TOX: variants seen among roughly 807,000 people sequenced by gnomAD.
TOX encodes the protein thymocyte selection-associated high mobility group box protein TOX.
A neutral mutation model predicts 53.7 loss-of-function variants in TOX; 11 were observed. The ratio of observed to expected loss-of-function variants is 0.20; its 90% CI spans 0.13 to 0.34. TOX has a LOEUF of 0.34. Among genes scored for constraint, TOX ranks in the 10% least tolerant of loss-of-function variants. The pLI, the probability that TOX is intolerant of heterozygous loss-of-function variation, is 1.00. For synonymous variants in TOX, 225 were observed against 245.3 expected (o/e 0.92, Z 0.77); for missense variants, 570 against 664.6 (o/e 0.86, Z 1.56).
rs1246789203 is a variant in TOX, at chr8:58,811,161, T to C, written c.1393-2892A>G. Among the ~76,000 whole-genome samples, 9 of 152,302 alleles carry C rather than the reference T, an allele frequency of 5.9e-5. No individual in the cohort carries two copies. In the East Asian group the frequency reaches 1.7e-3, roughly 29 times the overall value. On this transcript the variant is annotated intron_variant, in intron 7 of 8. Transcript: ENST00000361421. ...TATAAAAAGAGATGCTGAGGTCAAA[T>C]GTAGCACTCAGTAAATATTGATTAT... is the stretch of plus-strand genomic sequence containing the variant.
chr8:59,101,771 G>A (rs1471255521), intron 1 of TOX, among the ~76,000 whole-genome samples: 2 of 152,112 alleles, frequency 1.3e-5, no homozygotes, highest in Non-Finnish European at 2.9e-5. Context: ...GAGGAAAAGG[G>A]GGAAAAATCC....
chr8:58,957,288 T>C (rs992227561), intron 2 of TOX, among the ~76,000 whole-genome samples: 3 of 152,188 alleles, frequency 2.0e-5, no homozygotes, highest in African/African-American at 7.2e-5. Flanking sequence ...TTATAGCTAG[T>C]ATAGGAGAAA....
intron 5 of TOX, among the ~76,000 whole-genome samples, chr8:58,829,393 T>C (rs1810416202): frequency 6.6e-6 from 1 of 152,164 alleles, no homozygotes; most frequent in East Asian, 1.9e-4. Context: ...TGGCTATTGA[T>C]GATTGGCTAT....
chr8:58,998,516 T>A (rs1191298420), intron 1 of TOX, among the ~76,000 whole-genome samples: 75 of 121,302 alleles, frequency 6.2e-4, no homozygotes, highest in African/African-American at 9.2e-4. Context: ...TATATATATA[T>A]ATATATATAT....
chr8:58,877,034 C>T (rs1483364533), intron 3 of TOX, among the ~76,000 whole-genome samples: 2 of 152,206 alleles, frequency 1.3e-5, no homozygotes, highest in Non-Finnish European at 2.9e-5. Context: ...AAAAGCATCA[C>T]AAAGGCTGCT....
intron 1 of TOX, among the ~76,000 whole-genome samples, chr8:59,102,421 T>C (rs1804822511): frequency 6.6e-6 from 1 of 152,092 alleles, no homozygotes; most frequent in South Asian, 2.1e-4. Context: ...AGAGATGAAG[T>C]TTCACCATGT....
At chr8:58,879,510 T>G (rs1249127666) in intron 3 of TOX, among the ~76,000 whole-genome samples, 1 of 137,730 alleles carries the variant, frequency 7.3e-6, no homozygotes, top group Non-Finnish European at 1.5e-5. Context: ...TTGGAGATTG[T>G]GAAGTAAAAA....
rs1045677578 is a variant in TOX, at chr8:58,813,256, C to A, written c.1392+2082G>T. Among the ~76,000 whole-genome samples, 21 of 152,266 alleles carry A rather than the reference C, an allele frequency of 1.4e-4. No individual in the cohort carries two copies. The East Asian group carries it at 3.5e-3, about 25-fold the overall frequency. ...TATTCAGGATCATGGCCACATCATC[C>A]AAGGTGTTTGTGTTAGCATAAATAG... On this transcript the variant is annotated intron_variant, in intron 7 of 8. Transcript: ENST00000361421.
chr8:59,048,408 AAT>A, intron 1 of TOX, among the ~76,000 whole-genome samples: 1 of 152,308 alleles, frequency 6.6e-6, no homozygotes, highest in East Asian at 1.9e-4. Flanking sequence ...ATTAGAACAT[AAT>A]AGATAATTCC....
chr8:59,045,081 A>G (rs2129420978), intron 1 of TOX, among the ~76,000 whole-genome samples: 1 of 152,306 alleles, frequency 6.6e-6, no homozygotes, highest in Non-Finnish European at 1.5e-5. Flanking sequence ...AATTGTTATT[A>G]TTTTCCAGCC....
chr8:58,925,255 A>G (rs945256088), intron 3 of TOX, among the ~76,000 whole-genome samples: 2 of 152,240 alleles, frequency 1.3e-5, no homozygotes, highest in African/African-American at 4.8e-5. Context: ...TTTGCAAATC[A>G]TGTCAGTTAC....
chr8:59,091,298 C>T (rs1419485289), intron 1 of TOX, among the ~76,000 whole-genome samples: 2 of 152,168 alleles, frequency 1.3e-5, no homozygotes, highest in African/African-American at 4.8e-5. Context: ...TAGTCTTTCT[C>T]TTATAACATC....
intron 1 of TOX, among the ~76,000 whole-genome samples, chr8:59,073,587 T>G (rs1804240865): frequency 6.6e-6 from 1 of 152,138 alleles, no homozygotes; most frequent in Non-Finnish European, 1.5e-5. Flanking sequence ...TTGTTTTGTT[T>G]TAAATCACAG....
intron 1 of TOX, among the ~76,000 whole-genome samples, chr8:59,106,766 G>A (rs1005965085): frequency 6.6e-6 from 1 of 152,014 alleles, no homozygotes. Flanking sequence ...CCAACTAACC[G>A]CTCAACAGGA....
chr8:58,899,715 C>T (rs531365980), intron 3 of TOX, among the ~76,000 whole-genome samples: 76 of 152,230 alleles, frequency 5.0e-4, no homozygotes, highest in African/African-American at 1.7e-3. Flanking sequence ...GCTGAAACAA[C>T]GCTCAAAGGA....
chr8:58,835,437 A>G (rs1488370577), intron 5 of TOX, among the ~76,000 whole-genome samples: 2 of 152,220 alleles, frequency 1.3e-5, no homozygotes, highest in African/African-American at 4.8e-5. Context: ...AGTTGAGAGT[A>G]GTGAATCTCA....
At chr8:58,879,068 A>AAAAAC (rs1554526552) in intron 3 of TOX, among the ~76,000 whole-genome samples, 1 of 151,714 alleles carries the variant, frequency 6.6e-6, no homozygotes, top group African/African-American at 2.4e-5. Context: ...CTCAAAAAAA[A>AAAAAC]AAAAACAAAA....
At chr8:58,885,964 C>G (rs556110212) in intron 3 of TOX, among the ~76,000 whole-genome samples, 2 of 152,258 alleles carry the variant, frequency 1.3e-5, no homozygotes, top group South Asian at 4.2e-4. Flanking sequence ...CCACAGTATA[C>G]TCTTAACATT....
Position 58,838,103 on chromosome 8 carries a change from C to T in TOX, c.902G>A (p.Gly301Asp). The change falls in exon 5 of 9, where the codon GGT becomes GAT. Residue 301 changes from glycine to aspartate, a missense_variant. This residue lies in a region of TOX where 49 missense variants were observed against 98.9 expected (regional missense o/e 0.50). Transcript: ENST00000361421. ...VSKIVASMWD[G>D]LGEEQKQVYK... ...TACCTGTTTTTGCTCTTCTCCTAAA[C>T]CGTCCCACATTGAAGCCACAATTTT... 1 of 1,614,170 alleles carries T rather than the reference C, an allele frequency of 6.2e-7. No homozygotes were observed. Among genetic ancestry groups the T allele is most frequent in the Non-Finnish European group, 8.5e-7 (1 of 1,180,000 alleles).
Sources: allele counts gnomAD v4.1 joint callset (sites outside exome capture counted in the v4.1 genomes callset), GRCh38; gene constraint gnomAD v4.1.1; regional missense constraint gnomAD v4.1.1; transcripts MANE v1.5; gene names NCBI Gene and HGNC (gene_info 2026-07-23, HGNC 2026-07-21).